CNTLN: variants seen among roughly 807,000 people sequenced by gnomAD.
CNTLN encodes the protein centlein, also known as centlein, centrosomal protein.
In CNTLN, 212 loss-of-function variants were observed where a neutral mutation model predicts 180.0. The observed-to-expected ratio is 1.18, with a 90% CI of 1.05 to 1.32. The LOEUF is 1.32. Ranked by LOEUF, CNTLN falls within the 40% of genes most tolerant of loss-of-function variation. CNTLN has a pLI of 0.00. For synonymous variants in CNTLN, 722 were observed against 563.1 expected (o/e 1.28, Z -3.99); for missense variants, 2,095 against 1,610.9 (o/e 1.30, Z -5.14).
intron 18 of CNTLN, among the ~76,000 whole-genome samples, chr9:17,439,574 C>G (rs1829987910): frequency 6.6e-6 from 1 of 152,134 alleles, no homozygotes. Context: ...AAATTTATAT[C>G]CTTAAATACT....
At chr9:17,479,403 G>A (rs1472006771) in intron 23 of CNTLN, among the ~76,000 whole-genome samples, 1 of 152,250 alleles carries the variant, frequency 6.6e-6, no homozygotes, top group East Asian at 1.9e-4. Flanking sequence ...GATAAACTCC[G>A]ACGGCATTAT....
In CNTLN at chr9:17,232,937, A is replaced by G. The variant is rs1444064000; in HGVS notation, c.535-2721A>G. Reference sequence around the variant, plus strand: ...GAGCCATTTTTATGCATCTATTTTTATGTTATTTGATTGATGTCAGGCACA... The same window carrying G: ...GAGCCATTTTTATGCATCTATTTTTGTGTTATTTGATTGATGTCAGGCACA... On this transcript the variant is annotated intron_variant, in intron 3 of 25. Transcript: ENST00000380647. Among the ~76,000 whole-genome samples the G allele has an allele frequency of 4.6e-5, 7 of 152,136 alleles. No homozygotes were observed. In the East Asian group the frequency reaches 9.7e-4, roughly 21 times the overall value.
chr9:17,201,324 G>T (rs76835574), intron 2 of CNTLN, among the ~76,000 whole-genome samples: 1 of 152,256 alleles, frequency 6.6e-6, no homozygotes, highest in East Asian at 1.9e-4. Context: ...GCCAGGTTTT[G>T]GTATCAGGAT....
chr9:17,383,862 TCTC>T (rs1369293080), intron 13 of CNTLN, among the ~76,000 whole-genome samples: 1 of 151,970 alleles, frequency 6.6e-6, no homozygotes, highest in East Asian at 1.9e-4. Context: ...ATGGTCTCGA[TCTC>T]CTGACCTCGT....
intron 25 of CNTLN, among the ~76,000 whole-genome samples, chr9:17,490,539 G>A (rs891236463): frequency 1.3e-5 from 2 of 151,896 alleles, no homozygotes; most frequent in African/African-American, 4.8e-5. Flanking sequence ...ATAAAAATAG[G>A]CAAATTTATA....
chr9:17,393,863 A>G (rs1485387156), intron 14 of CNTLN, among the ~76,000 whole-genome samples: 2 of 152,142 alleles, frequency 1.3e-5, no homozygotes, highest in Non-Finnish European at 2.9e-5. Flanking sequence ...CTTTTCAAAT[A>G]ATTTTGAAAT....
At chr9:17,511,648 T>TCTCTCA in the CNTLN span, among the ~76,000 whole-genome samples, 1,767 of 146,588 alleles carry the variant, frequency 0.012, 16 homozygotes, top group African/African-American at 0.029. Flanking sequence ...TCTCTCTCTC[T>TCTCTCA]CACACACACA....
rs74311460 is a variant in CNTLN, at chr9:17,325,378, A to ATG, written c.1342-5220_1342-5219dup. ...GAAAAGTGTGTGTGCATGTGTATGT[A>ATG]TGTGTGTGTGTGTGTGTGTGTGTGT... On this transcript the variant is annotated intron_variant, in intron 8 of 25. Transcript: ENST00000380647. 9.4e-3 allele frequency among the ~76,000 whole-genome samples: 1,209 copies of ATG among 128,132 alleles called. 14 individuals carry two copies. The highest frequency in any genetic ancestry group is 0.023 in the African/African-American group (769 of 33,128). The allele number at this position is 128,132 out of a possible 152,430, so 84.1% of individuals were successfully genotyped here. A position where few individuals can be genotyped will look rare whatever the true frequency, so the allele number is the denominator to read the frequency against.
chr9:17,156,383 C>T (rs1819290798), intron 2 of CNTLN, among the ~76,000 whole-genome samples: 1 of 152,222 alleles, frequency 6.6e-6, no homozygotes, highest in East Asian at 1.9e-4. Flanking sequence ...TCCGTTTTCA[C>T]ATTTCTCGGA....
At chr9:17,352,389 A>AATATATATATATATATAT (rs373257904) in intron 12 of CNTLN, among the ~76,000 whole-genome samples, 3 of 84,462 alleles carry the variant, frequency 3.6e-5, no homozygotes, top group African/African-American at 1.3e-4. Flanking sequence ...CTCAAGCTAG[A>AATATATATATATATATAT]ATATATATAT....
rs111501494 is a variant in CNTLN, at chr9:17,315,696, T to G, written c.1341+6444T>G. 9.9e-5 allele frequency among the ~76,000 whole-genome samples: 15 copies of G among 152,164 alleles called. 1 individual carries two copies. Among genetic ancestry groups the G allele is most frequent in the African/African-American group, 2.6e-4 (11 of 41,582 alleles). ...AGATTTTTTTCTGTTTGCTTGAACC[T>G]TGATGTTTCCTTGAGTTCACACATT... On this transcript the variant is annotated intron_variant, in intron 8 of 25. Transcript: ENST00000380647.
chr9:17,145,910 C>T lies in CNTLN; in HGVS notation c.449+2534C>T, dbSNP rs139976934. ...CTTTTGCCCTTAAGCTTAGTTGGCA[C>T]TTCAGCTGAACATAATATTTTATGT... On this transcript the variant is annotated intron_variant, in intron 2 of 25. Transcript: ENST00000380647. Among the ~76,000 whole-genome samples, 615 of 152,194 alleles carry T rather than the reference C, an allele frequency of 4.0e-3. 1 individual carries two copies. Among genetic ancestry groups the T allele is most frequent in the African/African-American group, 0.014 (563 of 41,520 alleles).
intron 2 of CNTLN, among the ~76,000 whole-genome samples, chr9:17,222,354 C>T (rs1354872966): frequency 2.0e-5 from 3 of 152,038 alleles, no homozygotes; most frequent in African/African-American, 7.2e-5. Context: ...TCTGCGTCTC[C>T]ACCCAAATCT....
At chr9:17,365,883 C>T (rs1204648781) in intron 12 of CNTLN, among the ~76,000 whole-genome samples, 1 of 152,102 alleles carries the variant, frequency 6.6e-6, no homozygotes, top group Non-Finnish European at 1.5e-5. Context: ...GAGGTAGGGG[C>T]TGCAGTAAGC....
intron 6 of CNTLN, among the ~76,000 whole-genome samples, chr9:17,297,389 T>G (rs745982325): frequency 2.0e-5 from 3 of 152,202 alleles, no homozygotes; most frequent in Non-Finnish European, 2.9e-5. Context: ...ATAGTATATT[T>G]TGATGTAATA....
At chr9:17,359,647 C>T (rs956601957) in intron 12 of CNTLN, among the ~76,000 whole-genome samples, 5 of 145,888 alleles carry the variant, frequency 3.4e-5, no homozygotes, top group South Asian at 4.4e-4. Flanking sequence ...TTTGGGAGGC[C>T]GAGTCGGGTG....
intron 8 of CNTLN, among the ~76,000 whole-genome samples, chr9:17,314,031 G>A (rs562367437): frequency 6.6e-5 from 10 of 152,228 alleles, no homozygotes; most frequent in South Asian, 6.2e-4. Flanking sequence ...ACTGTGCCCG[G>A]CCAGCTCTGT....
chr9:17,497,108 C>G (rs1345690809), intron 25 of CNTLN, among the ~76,000 whole-genome samples: 1 of 152,128 alleles, frequency 6.6e-6, no homozygotes, highest in Non-Finnish European at 1.5e-5. Context: ...CCTTTTTGTG[C>G]TGGTATCATT....
At chr9:17,460,320 G>C (rs1831379416) in intron 19 of CNTLN, among the ~76,000 whole-genome samples, 1 of 151,668 alleles carries the variant, frequency 6.6e-6, no homozygotes, top group African/African-American at 2.4e-5. Flanking sequence ...CTTAGTATAG[G>C]AAAGCTGTAA....
Sources: allele counts gnomAD v4.1 joint callset (sites outside exome capture counted in the v4.1 genomes callset), GRCh38; gene constraint gnomAD v4.1.1; transcripts MANE v1.5; gene names NCBI Gene and HGNC (gene_info 2026-07-23, HGNC 2026-07-21).